The following SLCO1B1 variants were observed in gnomAD, a reference collection of about 807,000 sequenced individuals.
SLCO1B1 encodes solute carrier organic anion transporter family member 1B1, also known as OATP-2.
SLCO1B1 carries 81 observed loss-of-function variants against 70.1 expected under a neutral mutation model. The ratio of observed to expected loss-of-function variants is 1.16; its 90% CI spans 0.97 to 1.39. The LOEUF (loss-of-function observed/expected upper bound fraction) is 1.39, where lower values mean the gene tolerates loss of function less well. SLCO1B1 is among the 40% of genes most tolerant of loss of function. The pLI is 0.00. For missense variants in SLCO1B1, 895 were observed against 799.6 expected, an observed-to-expected ratio of 1.12 and a Z score of -1.44; for synonymous variants, 283 against 271.5, an observed-to-expected ratio of 1.04 and a Z score of -0.42.
chr12:21,233,595 A>C (rs1941566521), intron 14 of SLCO1B1, among the ~76,000 whole-genome samples: 1 of 151,586 alleles, frequency 6.6e-6, no homozygotes, highest in Non-Finnish European at 1.5e-5. Context: ...CAAGAGCCCC[A>C]AAGGAGCCAA....
chr12:21,230,287 C>CGTCTAT (rs1486951374), intron 14 of SLCO1B1, among the ~76,000 whole-genome samples: 1 of 145,390 alleles, frequency 6.9e-6, no homozygotes, highest in Non-Finnish European at 1.5e-5. Context: ...AGAATTTTTG[C>CGTCTAT]GTCTATGTTC....
chr12:21,149,820 C>A (rs1472707480), intron 2 of SLCO1B1, among the ~76,000 whole-genome samples: 2 of 152,056 alleles, frequency 1.3e-5, no homozygotes, highest in African/African-American at 4.8e-5. Context: ...CTTTTTAAAC[C>A]CCAGTGGTGC....
chr12:21,167,241 G>A (rs959059551), intron 2 of SLCO1B1, among the ~76,000 whole-genome samples: 1 of 152,062 alleles, frequency 6.6e-6, no homozygotes, highest in South Asian at 2.1e-4. Flanking sequence ...TACATTCAAG[G>A]ATATGACATT....
rs552957916 is a variant in SLCO1B1, at chr12:21,136,831, T to A, written c.-61-4683T>A. 2.0e-5 allele frequency among the ~76,000 whole-genome samples: 3 copies of A among 152,316 alleles called. No individual in the cohort carries two copies. The South Asian group carries it at 6.2e-4, about 32-fold the overall frequency. On this transcript the variant is annotated intron_variant, in intron 1 of 14. Transcript: ENST00000256958. ...CATCTGAAGCCTTCTTCTCTCAACT[T>A]GTCAAAGTCATTCTCCATCCAGCTT...
intron 2 of SLCO1B1, among the ~76,000 whole-genome samples, chr12:21,150,681 C>T (rs1940459659): frequency 6.6e-6 from 1 of 152,132 alleles, no homozygotes; most frequent in African/African-American, 2.4e-5. Flanking sequence ...CACAAAAACC[C>T]CATCTGAAAG....
intron 11 of SLCO1B1, among the ~76,000 whole-genome samples, chr12:21,214,561 A>C (rs997518378): frequency 7.5e-4 from 113 of 151,150 alleles, no homozygotes; most frequent in Non-Finnish European, 1.3e-3. Context: ...AGAGGCAGGC[A>C]GGCCTCCTTG....
chr12:21,212,544 A>G (rs1941300898), intron 11 of SLCO1B1, among the ~76,000 whole-genome samples: 1 of 128,376 alleles, frequency 7.8e-6, no homozygotes, highest in Admixed American at 8.4e-5. Flanking sequence ...TATTCTGTTG[A>G]TTTGGGGTGG....
At chr12:21,143,304 A>G (rs1940336511) in intron 2 of SLCO1B1, among the ~76,000 whole-genome samples, 1 of 152,062 alleles carries the variant, frequency 6.6e-6, no homozygotes, top group Non-Finnish European at 1.5e-5. Context: ...ATTGACTTTT[A>G]CTTTCATTAA....
chr12:21,233,500 T>TTCC (rs1941562776), intron 14 of SLCO1B1, among the ~76,000 whole-genome samples: 1 of 130,590 alleles, frequency 7.7e-6, no homozygotes, highest in African/African-American at 2.8e-5. Flanking sequence ...GAACCAAGAC[T>TTCC]TCCTACTAAT....
At chr12:21,208,621 C>A (rs1365310239) in intron 11 of SLCO1B1, among the ~76,000 whole-genome samples, 1 of 151,796 alleles carries the variant, frequency 6.6e-6, no homozygotes, top group Admixed American at 6.6e-5. Flanking sequence ...TCTCTTTTTT[C>A]CTATGGAATT....
At chr12:21,140,131 C>G (rs1219006074) in intron 1 of SLCO1B1, among the ~76,000 whole-genome samples, 1 of 151,982 alleles carries the variant, frequency 6.6e-6, no homozygotes, top group African/African-American at 2.4e-5. Context: ...ATAACTAACC[C>G]CACATCTCTC....
intron 14 of SLCO1B1, among the ~76,000 whole-genome samples, chr12:21,234,448 C>T (rs1276062891): frequency 6.6e-6 from 1 of 152,132 alleles, no homozygotes; most frequent in Non-Finnish European, 1.5e-5. Flanking sequence ...GTTAGTCCTA[C>T]AAAGGTAGTC....
chr12:21,237,930 G>A (rs943131685), intron 14 of SLCO1B1, among the ~76,000 whole-genome samples: 115 of 152,166 alleles, frequency 7.6e-4, no homozygotes, highest in African/African-American at 2.4e-3. Context: ...GGTCAGGCTG[G>A]TCTCTAACTC....
At chr12:21,165,481 C>G (rs1378257208) in intron 2 of SLCO1B1, among the ~76,000 whole-genome samples, 1 of 151,812 alleles carries the variant, frequency 6.6e-6, no homozygotes, top group Admixed American at 6.6e-5. Context: ...ATGCTAATCC[C>G]CAAGCTTAGA....
intron 1 of SLCO1B1, among the ~76,000 whole-genome samples, chr12:21,134,414 G>C (rs1198202522): frequency 2.6e-5 from 4 of 152,288 alleles, no homozygotes; most frequent in Admixed American, 2.6e-4. Context: ...ATTGGTACCA[G>C]TTCCTCCTTG....
intron 7 of SLCO1B1, among the ~76,000 whole-genome samples, chr12:21,193,853 C>T (rs28782899): frequency 0.01 from 1,588 of 152,018 alleles, 37 homozygotes; most frequent in South Asian, 0.039. Context: ...TGCAGTGGTG[C>T]GATCTCGGCT....
intron 7 of SLCO1B1, 80 bp from the exon 8 acceptor site, chr12:21,196,866 C>T: frequency 7.1e-7 from 1 of 1,413,450 alleles, no homozygotes; most frequent in Non-Finnish European, 9.9e-7. Context: ...ATGTAGTTTA[C>T]TTTCTTCATA....
At chr12:21,154,199 T>C (rs1456607435) in intron 2 of SLCO1B1, among the ~76,000 whole-genome samples, 5 of 152,114 alleles carry the variant, frequency 3.3e-5, no homozygotes, top group African/African-American at 1.2e-4. Context: ...TCTGAATGTT[T>C]GTTTCCCCCC....
In SLCO1B1 at chr12:21,209,520, C is replaced by T. The variant is rs1334762136; in HGVS notation, c.1497+3487C>T. ...TGTGAATAATGCCACAATAAACATA[C>T]GTGTGCATGTGTCTTTATAGCAGCA... On this transcript the variant is annotated intron_variant, in intron 11 of 14. Transcript: ENST00000256958. 6.6e-5 allele frequency among the ~76,000 whole-genome samples: 10 copies of T among 152,060 alleles called. No individual in the cohort carries two copies. In the East Asian group the frequency reaches 1.2e-3, roughly 18 times the overall value.
Sources: gnomAD v4.1 joint callset for allele counts (sites outside exome capture counted in the v4.1 genomes callset) on GRCh38, gnomAD v4.1.1 for gene constraint, MANE v1.5 for transcripts, NCBI Gene and HGNC (gene_info 2026-07-23, HGNC 2026-07-21) for gene names.